DDX60: variants seen among roughly 807,000 people sequenced by gnomAD.
DDX60 encodes DExD/H-box helicase 60.
In DDX60, 165 loss-of-function variants were observed where a neutral mutation model predicts 212.8. The ratio of observed to expected loss-of-function variants is 0.78; its 90% CI spans 0.68 to 0.88. The LOEUF (loss-of-function observed/expected upper bound fraction) is 0.88. DDX60 is among the 40% of genes least tolerant of loss of function. DDX60 has a pLI of 0.00. For missense variants in DDX60, 1,905 were observed against 2,003.9 expected, an observed-to-expected ratio of 0.95 and a Z score of 0.94; for synonymous variants, 703 against 685.3, an observed-to-expected ratio of 1.03 and a Z score of -0.40.
chr4:168,266,125 T>G (rs1382510164), intron 22 of DDX60, among the ~76,000 whole-genome samples: 2 of 152,198 alleles, frequency 1.3e-5, no homozygotes, highest in Non-Finnish European at 2.9e-5. Flanking sequence ...TTTGAGATTG[T>G]ATCCTGGCCC....
rs371697676 is a variant in DDX60, at chr4:168,221,864, G to A, written c.4842C>T (p.Ile1614=). 88 of 1,612,480 alleles carry A rather than the reference G, an allele frequency of 5.5e-5. No homozygotes were observed. The highest frequency in any genetic ancestry group is 4.3e-4 in the African/African-American group (32 of 74,960). The part of the protein sequence containing the change: ...ETPNHVTLGT[I]GVNRSQAPVL... Reference sequence around the variant, plus strand: ...CTGGAGCCTGAGAGCGATTGACACCGATTGTGCCTAGAGTAACCTGAAAAA... The same window carrying A: ...CTGGAGCCTGAGAGCGATTGACACCAATTGTGCCTAGAGTAACCTGAAAAA... Residue 1614 remains isoleucine (I), a synonymous_variant, in exon 36 of 38, where the codon ATC becomes ATT. Transcript: ENST00000393743.
rs1403933749 is a variant in DDX60, at chr4:168,224,286, CCAGA to C, written c.4777_4780del (p.Ser1593GlyfsTer10). The C allele has an allele frequency of 6.2e-7, 1 of 1,612,464 alleles. No individual in the cohort carries two copies. The highest frequency in any genetic ancestry group is 1.7e-5 in the Admixed American group (1 of 59,866). ...TCGAAGCAAATCATCATCAAAGTTC[CCAGA>C]CAGACAAACAAATGGTGAAATTGCT... On this transcript the variant is annotated frameshift_variant, in exon 35 of 38. Transcript: ENST00000393743. LOFTEE classifies it high-confidence loss of function.
chr4:168,308,196 C>A lies in DDX60; in HGVS notation c.75-1G>T. Reference sequence around the variant, plus strand: ...AAAATCATTGAATAAACTGGAATATCTAAAATGAAAAACAGTTAAAACAAA... The same window carrying A: ...AAAATCATTGAATAAACTGGAATATATAAAATGAAAAACAGTTAAAACAAA... On this transcript the variant is annotated splice_acceptor_variant, in intron 3 of 37. Transcript: ENST00000393743. LOFTEE classifies it high-confidence loss of function. 1.3e-6 allele frequency: 2 copies of A among 1,530,110 alleles called. No individual in the cohort carries two copies. The highest frequency in any genetic ancestry group is 8.9e-7 in the Non-Finnish European group (1 of 1,124,938). 94.8% of individuals were successfully genotyped at this position (1,530,110 alleles called of 1,614,324 possible).
intron 37 of DDX60, among the ~76,000 whole-genome samples, chr4:168,217,686 AG>A (rs1732897699): frequency 6.6e-6 from 1 of 152,138 alleles, no homozygotes; most frequent in Non-Finnish European, 1.5e-5. Flanking sequence ...GGTCCCTGTA[AG>A]TGGAAGAGTG....
intron 30 of DDX60, among the ~76,000 whole-genome samples, chr4:168,245,908 T>A (rs146136344): frequency 1.3e-5 from 2 of 151,828 alleles, no homozygotes; most frequent in Non-Finnish European, 2.9e-5. Context: ...CCTAGAAAAC[T>A]GGCTGAAAAA....
At chr4:168,269,430 C>T (rs556456100) in intron 19 of DDX60, among the ~76,000 whole-genome samples, 12 of 152,064 alleles carry the variant, frequency 7.9e-5, no homozygotes, top group African/African-American at 2.9e-4. Context: ...AACCCCGTCT[C>T]CACTAAGAAA....
intron 9 of DDX60, among the ~76,000 whole-genome samples, chr4:168,287,706 G>A (rs534674166): frequency 2.8e-4 from 43 of 151,714 alleles, no homozygotes; most frequent in African/African-American, 9.2e-4. Context: ...TGTTTTGTTC[G>A]GTTTTACTAT....
intron 33 of DDX60, among the ~76,000 whole-genome samples, chr4:168,234,244 C>T (rs1733554902): frequency 6.6e-6 from 1 of 152,020 alleles, no homozygotes; most frequent in East Asian, 1.9e-4. Context: ...GGTGTGTTAT[C>T]TTTAATCAGC....
chr4:168,315,490 T>C lies in DDX60; in HGVS notation c.-107+3132A>G, dbSNP rs530012827. On this transcript the variant is annotated intron_variant, in intron 1 of 37. Coordinates refer to ENST00000393743, the MANE Select transcript of DDX60 (RefSeq NM_017631.6). ...TTGTTACATAGATATACATGTGCCA[T>C]GGTGGTTTGCTGCACCTATCAACCC... Among the ~76,000 whole-genome samples the C allele has an allele frequency of 1.9e-4, 29 of 152,300 alleles. 3 individuals are homozygous for C. The South Asian group carries it at 6.0e-3, about 32-fold the overall frequency.
intron 28 of DDX60, among the ~76,000 whole-genome samples, chr4:168,250,317 G>A (rs1335343457): frequency 7.9e-5 from 12 of 151,868 alleles, no homozygotes; most frequent in Admixed American, 2.0e-4. Context: ...TGAGGCAGGC[G>A]GATCACCTAA....
chr4:168,282,331 T>C (rs1279646630), intron 13 of DDX60, among the ~76,000 whole-genome samples: 1 of 152,190 alleles, frequency 6.6e-6, no homozygotes, highest in Non-Finnish European at 1.5e-5. Flanking sequence ...TGATAAGTCC[T>C]TGAACTGATG....
At chr4:168,280,098 T>C (rs1180056373) in intron 14 of DDX60, among the ~76,000 whole-genome samples, 1 of 152,150 alleles carries the variant, frequency 6.6e-6, no homozygotes, top group African/African-American at 2.4e-5. Flanking sequence ...TATGTATGCA[T>C]AGGAAAAAAC....
At chr4:168,293,656 T>C in intron 7 of DDX60, 131 bp downstream of exon 7, 2 of 835,784 alleles carry the variant, frequency 2.4e-6, no homozygotes, top group Non-Finnish European at 3.7e-6. Context: ...AATTTCAGTT[T>C]TATTTTCTGA....
At position 168,217,048 on chromosome 4, in the gene DDX60, A is replaced by C; in HGVS notation, c.5040-16T>G. ...CAAGGAAACACTGGAAATGGGGAAA[A>C]AAATATAGGATCCACTTTAGTGAGA... On this transcript the variant is annotated splice_polypyrimidine_tract_variant and intron_variant, in intron 37 of 37. Coordinates refer to ENST00000393743, the MANE Select transcript of DDX60 (RefSeq NM_017631.6). The C allele has an allele frequency of 6.5e-7, 1 of 1,543,614 alleles. No homozygotes were observed. Among genetic ancestry groups the C allele is most frequent in the Non-Finnish European group, 8.9e-7 (1 of 1,123,872 alleles).
upstream of DDX60, among the ~76,000 whole-genome samples, chr4:168,319,245 T>TA (rs1476847585): frequency 6.6e-6 from 1 of 151,762 alleles, no homozygotes; most frequent in Non-Finnish European, 1.5e-5. Context: ...ACAAAGGCAA[T>TA]AAAAATGGGC....
At chr4:168,292,505 C>T (rs1736154360) in intron 7 of DDX60, among the ~76,000 whole-genome samples, 1 of 152,202 alleles carries the variant, frequency 6.6e-6, no homozygotes, top group African/African-American at 2.4e-5. Context: ...TTAAGCCAAA[C>T]TCTACATGAG....
chr4:168,216,969 C>A lies in DDX60; in HGVS notation c.5103G>T (p.Leu1701=). The A allele has an allele frequency of 6.2e-7, 1 of 1,605,544 alleles. No homozygotes were observed. The highest frequency in any genetic ancestry group is 8.5e-7 in the Non-Finnish European group (1 of 1,177,348). The change falls in exon 38 of 38, where the codon CTG becomes CTT. Residue 1701 remains leucine, a synonymous_variant. Transcript: ENST00000393743. The part of the protein sequence containing the change: ...DDNVVLAFEQ[L]STTFWEKLNK... ...TTAACTTTTCCCAAAAAGTTGTACT[C>A]AGTTGTTCAAAGGCTAAGACAACGT...
chr4:168,282,840 T>C (rs1735652362), intron 13 of DDX60, among the ~76,000 whole-genome samples: 1 of 152,184 alleles, frequency 6.6e-6, no homozygotes, highest in African/African-American at 2.4e-5. Context: ...ACTATTAGTA[T>C]TATTATTCCA....
rs746021867 is a variant in DDX60 at position 168,288,196 on chromosome 4, G to C, written c.1161C>G (p.Tyr387Ter). 4 of 1,495,888 alleles carry C rather than the reference G, an allele frequency of 2.7e-6. No individual in the cohort carries two copies. The East Asian group carries it at 7.1e-5, about 27-fold the overall frequency. 92.7% of individuals were successfully genotyped at this position (1,495,888 alleles called of 1,614,324 possible). Residue 387 changes from tyrosine (Y) to a stop codon, truncating the protein, a stop_gained, in exon 9 of 38, where the codon TAC (tyrosine) becomes TAG (stop). Coordinates refer to ENST00000393743, the MANE Select transcript of DDX60 (RefSeq NM_017631.6). LOFTEE classifies it high-confidence loss of function. ...DELLLKNIAF[Y>*]YENENVKGLH... ...TACCTTTTACATTTTCATTTTCATA[G>C]TAAAAAGCAATATTCTTCAACAAAA...
Sources: allele counts gnomAD v4.1 joint callset (sites outside exome capture counted in the v4.1 genomes callset), GRCh38; gene constraint gnomAD v4.1.1; transcripts MANE v1.5; gene names NCBI Gene and HGNC (gene_info 2026-07-23, HGNC 2026-07-21).